Variants in SYCP1 observed in about 807,000 individuals in gnomAD.
SYCP1 encodes synaptonemal complex protein 1.
SYCP1 carries 64 observed loss-of-function variants against 153.1 expected under a neutral mutation model. The observed-to-expected ratio is 0.42, with a 90% confidence interval of 0.34 to 0.51. SYCP1 has a LOEUF of 0.51. Among genes scored for constraint, SYCP1 ranks in the 20% least tolerant of loss-of-function variants. The pLI, the probability that SYCP1 is intolerant of heterozygous loss-of-function variation, is 0.06. For missense variants in SYCP1, 997 were observed against 1,049.0 expected, an observed-to-expected ratio of 0.95 and a Z score of 0.68; for synonymous variants, 384 against 341.8, an observed-to-expected ratio of 1.12 and a Z score of -1.36.
chr1:114,947,313 A>G lies in SYCP1; in HGVS notation c.2315A>G (p.Glu772Gly). The change falls in exon 27 of 32, where the codon GAA becomes GGA. Residue 772 changes from glutamate to glycine, a missense_variant. Physicochemically the swap from Glu to Gly is moderately conservative, Grantham distance 98. Coordinates refer to ENST00000369522, the MANE Select transcript of SYCP1 (RefSeq NM_003176.4). The part of the protein sequence containing the change: ...SVKKQLEIER[E>G]EKEKLKREAK... ...AAGAAGCAACTTGAAATAGAAAGAG[A>G]AGAGAAGGTAGGTTTTTTGGCATTA... The G allele has an allele frequency of 6.2e-7, 1 of 1,612,390 alleles. No homozygotes were observed. The highest frequency in any genetic ancestry group is 8.5e-7 in the Non-Finnish European group (1 of 1,179,198).
At chr1:114,990,600 C>G (rs1462879958) in intron 30 of SYCP1, among the ~76,000 whole-genome samples, 2 of 151,496 alleles carry the variant, frequency 1.3e-5, no homozygotes, top group East Asian at 3.9e-4. Flanking sequence ...AGAGAGAGAA[C>G]AAAATTAAAA....
chr1:114,911,710 A>G (rs1223149207), intron 18 of SYCP1, 128 bp downstream of exon 18: 1 of 390,920 alleles, frequency 2.6e-6, no homozygotes, highest in Non-Finnish European at 4.1e-6. Flanking sequence ...TTTACTCTTA[A>G]GGATCTAAAT....
At chr1:114,952,629 T>G (rs1408679192) in intron 27 of SYCP1, among the ~76,000 whole-genome samples, 1 of 152,090 alleles carries the variant, frequency 6.6e-6, no homozygotes, top group African/African-American at 2.4e-5. Flanking sequence ...AACCATTAGA[T>G]CTTGTGAGAA....
chr1:114,958,897 T>G (rs1316496218), intron 27 of SYCP1, among the ~76,000 whole-genome samples: 1 of 146,014 alleles, frequency 6.8e-6, no homozygotes, highest in Non-Finnish European at 1.5e-5. Flanking sequence ...GCCACTGCAC[T>G]CCAGCCTGGG....
intron 20 of SYCP1, among the ~76,000 whole-genome samples, chr1:114,919,165 T>C (rs2101707617): frequency 6.6e-6 from 1 of 152,244 alleles, no homozygotes; most frequent in South Asian, 2.1e-4. Context: ...TTTTATTATG[T>C]TGAGCTATGT....
rs189972347 is a variant in SYCP1 at position 114,968,223 on chromosome 1, C to T, written c.2323-9334C>T. ...GTATTTCCTGAATTTGAATGTTGGCCTGTCTTGCTAGATTGGGGAATTTCT... is the reference window on the plus strand; with the variant it reads ...GTATTTCCTGAATTTGAATGTTGGCTTGTCTTGCTAGATTGGGGAATTTCT... On this transcript the variant is annotated intron_variant, in intron 27 of 31. Coordinates refer to ENST00000369522, the MANE Select transcript of SYCP1 (RefSeq NM_003176.4). 1.2e-3 allele frequency among the ~76,000 whole-genome samples: 181 copies of T among 152,214 alleles called. 1 individual carries two copies. Among genetic ancestry groups the T allele is most frequent in the Admixed American group, 3.6e-3 (55 of 15,274 alleles).
intron 23 of SYCP1, among the ~76,000 whole-genome samples, chr1:114,930,365 C>G (rs2101756416): frequency 6.6e-6 from 1 of 151,674 alleles, no homozygotes; most frequent in South Asian, 2.1e-4. Flanking sequence ...TAAATGAAGT[C>G]AAAAGTTGAT....
At chr1:114,933,865 G>A (rs1412738661) in intron 23 of SYCP1, among the ~76,000 whole-genome samples, 1 of 152,132 alleles carries the variant, frequency 6.6e-6, no homozygotes, top group Non-Finnish European at 1.5e-5. Context: ...AGAAAAAAGA[G>A]TAAAAAGAAA....
In SYCP1 at chr1:114,878,219, G is replaced by A. The variant is rs934065440; in HGVS notation, c.910+17G>A. 3.5e-6 allele frequency: 5 copies of A among 1,423,598 alleles called. No homozygotes were observed. Among genetic ancestry groups the A allele is most frequent in the Non-Finnish European group, 4.9e-6 (5 of 1,023,316 alleles). 88.2% of individuals were successfully genotyped at this position (1,423,598 alleles called of 1,614,324 possible). On this transcript the variant is annotated intron_variant, in intron 12 of 31. Transcript: ENST00000369522. ...AAAAGACAAGTAAGAGTTTATATAA[G>A]ATAATATAATGTGCCTTATGTATTC...
Position 114,987,479 on chromosome 1 carries a change from C to T in SYCP1, c.2703+2611C>T, listed in dbSNP as rs1488817808. 2.0e-5 allele frequency among the ~76,000 whole-genome samples: 3 copies of T among 151,876 alleles called. No individual in the cohort carries two copies. The South Asian group carries it at 6.2e-4, about 31-fold the overall frequency. ...GCCAAGAGTTTGAGACTAAGTTGGG[C>T]AACAGTGAGACCCTCTCTATACAAA... On this transcript the variant is annotated intron_variant, in intron 30 of 31. Coordinates refer to ENST00000369522, the MANE Select transcript of SYCP1 (RefSeq NM_003176.4).
intron 30 of SYCP1, among the ~76,000 whole-genome samples, chr1:114,991,933 T>C (rs1395439585): frequency 1.3e-5 from 2 of 151,814 alleles, no homozygotes; most frequent in African/African-American, 4.8e-5. Flanking sequence ...CTATTAGAGC[T>C]AATAAATAAA....
At chr1:114,980,587 A>G (rs1402868441) in intron 28 of SYCP1, among the ~76,000 whole-genome samples, 1 of 151,902 alleles carries the variant, frequency 6.6e-6, no homozygotes, top group African/African-American at 2.4e-5. Flanking sequence ...TAGGTGAAAA[A>G]GAAGAAGTAT....
chr1:114,977,617 G>A lies in SYCP1; in HGVS notation c.2382+1G>A. The A allele has an allele frequency of 6.7e-7, 1 of 1,493,410 alleles. No individual in the cohort carries two copies. The highest frequency in any genetic ancestry group is 9.0e-7 in the Non-Finnish European group (1 of 1,112,424). 92.5% of individuals were successfully genotyped at this position (1,493,410 alleles called of 1,614,324 possible). On this transcript the variant is annotated splice_donor_variant, in intron 28 of 31. Transcript: ENST00000369522. LOFTEE classifies it high-confidence loss of function. ...TACTCTTAAAGAAAAAAAAGACAAG[G>A]TAAGAGCATATAATTCTCATAGTTT...
intron 23 of SYCP1, among the ~76,000 whole-genome samples, chr1:114,937,592 A>G (rs1219597690): frequency 2.0e-5 from 3 of 152,306 alleles, no homozygotes; most frequent in East Asian, 1.9e-4. Context: ...AGAAACTACC[A>G]TCAGAGTGAA....
chr1:114,897,615 T>C (rs1428527753), intron 16 of SYCP1, among the ~76,000 whole-genome samples: 1 of 152,062 alleles, frequency 6.6e-6, no homozygotes, highest in Non-Finnish European at 1.5e-5. Flanking sequence ...TCTCCCATAG[T>C]ACAGAGACAC....
At chr1:114,917,579 C>T (rs1307102646) in intron 20 of SYCP1, among the ~76,000 whole-genome samples, 1 of 152,076 alleles carries the variant, frequency 6.6e-6, no homozygotes, top group African/African-American at 2.4e-5. Context: ...AGTGGTTGTA[C>T]GAATTTACAT....
At chr1:114,943,808 T>G (rs1670530005) in intron 23 of SYCP1, among the ~76,000 whole-genome samples, 1 of 151,860 alleles carries the variant, frequency 6.6e-6, no homozygotes, top group Non-Finnish European at 1.5e-5. Flanking sequence ...CCAGTATTAA[T>G]TTAGCCCTAA....
chr1:114,975,539 A>T (rs1672752436), intron 27 of SYCP1, among the ~76,000 whole-genome samples: 1 of 151,740 alleles, frequency 6.6e-6, no homozygotes, highest in African/African-American at 2.4e-5. Flanking sequence ...CTATTATTTC[A>T]CTATGATTCC....
intron 26 of SYCP1, among the ~76,000 whole-genome samples, 195 bp downstream of exon 26, chr1:114,946,576 T>G (rs575216132): frequency 6.6e-6 from 1 of 152,328 alleles, no homozygotes; most frequent in African/African-American, 2.4e-5. Flanking sequence ...CAAACTATTT[T>G]TTCAAGTGAA....
Sources: allele counts gnomAD v4.1 joint callset (sites outside exome capture counted in the v4.1 genomes callset), GRCh38; gene constraint gnomAD v4.1.1; transcripts MANE v1.5; gene names NCBI Gene and HGNC (gene_info 2026-07-23, HGNC 2026-07-21).